The following DYNC1I1 variants were observed in gnomAD, a reference collection of about 807,000 sequenced individuals.
DYNC1I1 encodes the protein dynein cytoplasmic 1 intermediate chain 1, also known as cytoplasmic dynein 1 intermediate chain 1.
DYNC1I1 carries 43 observed loss-of-function variants against 86.6 expected under a neutral mutation model. The observed-to-expected ratio is 0.50, with a 90% CI of 0.39 to 0.64. The LOEUF is 0.64. Ranked by LOEUF, DYNC1I1 falls within the 30% of genes least tolerant of loss-of-function variation. The pLI, the probability that DYNC1I1 is intolerant of heterozygous loss-of-function variation, is 0.00. For synonymous variants in DYNC1I1, 262 were observed against 283.7 expected (o/e 0.92, Z 0.77); for missense variants, 604 against 788.8 (o/e 0.77, Z 2.81).
At chr7:95,802,162 T>G (rs1247960143) in intron 1 of DYNC1I1, among the ~76,000 whole-genome samples, 1 of 152,144 alleles carries the variant, frequency 6.6e-6, no homozygotes, top group Non-Finnish European at 1.5e-5. Context: ...GAAGTCCCAC[T>G]GATACCCAAA....
intron 4 of DYNC1I1, 111 bp downstream of exon 4, chr7:95,813,448 A>C (rs1794878359): frequency 2.3e-6 from 3 of 1,319,350 alleles, no homozygotes; most frequent in Admixed American, 5.5e-5. Context: ...CTGCATGTGT[A>C]CTTGGACATC....
intron 5 of DYNC1I1, among the ~76,000 whole-genome samples, chr7:95,861,158 A>G (rs1789867124): frequency 1.3e-5 from 2 of 152,100 alleles, no homozygotes; most frequent in African/African-American, 4.8e-5. Context: ...CTGCCACCTT[A>G]TCTACCTCTA....
At chr7:96,050,038 CA>C (rs78767576) in intron 14 of DYNC1I1, among the ~76,000 whole-genome samples, 10,376 of 138,912 alleles carry the variant, frequency 0.075, 433 homozygotes, top group Non-Finnish European at 0.097. Flanking sequence ...AACAAACAAA[CA>C]AAAAAAAAAA....
intron 10 of DYNC1I1, among the ~76,000 whole-genome samples, chr7:96,007,081 C>T (rs1274132769): frequency 6.6e-6 from 1 of 152,114 alleles, no homozygotes; most frequent in Admixed American, 6.5e-5. Context: ...TATTTTTTCA[C>T]ATTATTCTTT....
rs957815216 is a variant in DYNC1I1, at chr7:96,061,374, G to A, written c.1510-14683G>A. 3.3e-5 allele frequency among the ~76,000 whole-genome samples: 5 copies of A among 152,216 alleles called. 1 individual carries two copies. Among genetic ancestry groups the A allele is most frequent in the Non-Finnish European group, 2.9e-5 (2 of 68,016 alleles). On this transcript the variant is annotated intron_variant, in intron 14 of 16. Transcript: ENST00000447467. ...TTTGTACTGAGCCTGTCACTAGCTCGGGAAGAGGTAAAAATTACTTGACAG... is the reference window on the plus strand; with the variant it reads ...TTTGTACTGAGCCTGTCACTAGCTCAGGAAGAGGTAAAAATTACTTGACAG...
At chr7:95,955,573 G>A (rs1375890268) in intron 6 of DYNC1I1, among the ~76,000 whole-genome samples, 1 of 152,088 alleles carries the variant, frequency 6.6e-6, no homozygotes, top group Non-Finnish European at 1.5e-5. Context: ...CAATCCTCCT[G>A]ACCCAGCCTC....
chr7:96,002,601 C>A (rs1439138859), intron 10 of DYNC1I1, among the ~76,000 whole-genome samples: 1 of 152,046 alleles, frequency 6.6e-6, no homozygotes, highest in Non-Finnish European at 1.5e-5. Context: ...ATTGAATATA[C>A]AAGAATGAAA....
chr7:95,869,278 G>A (rs984017526), intron 5 of DYNC1I1, among the ~76,000 whole-genome samples: 1 of 152,146 alleles, frequency 6.6e-6, no homozygotes, highest in African/African-American at 2.4e-5. Flanking sequence ...GGAATGCTGT[G>A]CTAAGGCTTT....
chr7:95,953,418 G>GAAAC (rs752704517), intron 6 of DYNC1I1, among the ~76,000 whole-genome samples: 8 of 147,142 alleles, frequency 5.4e-5, no homozygotes, highest in Non-Finnish European at 1.0e-4. Flanking sequence ...AAGAAAGAAA[G>GAAAC]AGAGAGAGAG....
intron 7 of DYNC1I1, among the ~76,000 whole-genome samples, chr7:95,977,908 T>C (rs1793349354): frequency 6.6e-6 from 1 of 152,208 alleles, no homozygotes; most frequent in African/African-American, 2.4e-5. Context: ...GAACCATATA[T>C]TCCCAATGAT....
chr7:95,880,801 G>A lies in DYNC1I1; in HGVS notation c.490+10803G>A, dbSNP rs566470601. On this transcript the variant is annotated intron_variant, in intron 6 of 16. Transcript: ENST00000447467. ...GCTGGGATTACAGGTGCACACCACC[G>A]TGCCCAGCTAATTTTTGTATTTTTA... Among the ~76,000 whole-genome samples the A allele has an allele frequency of 2.4e-4, 37 of 151,532 alleles. No homozygotes were observed. In the South Asian group the frequency reaches 2.9e-3, roughly 12 times the overall value.
chr7:95,949,432 C>G (rs2116474344), intron 6 of DYNC1I1, among the ~76,000 whole-genome samples: 1 of 152,334 alleles, frequency 6.6e-6, no homozygotes, highest in African/African-American at 2.4e-5. Context: ...GAAACCCCAT[C>G]TTTGGGGAAA....
intron 5 of DYNC1I1, among the ~76,000 whole-genome samples, chr7:95,831,785 T>G (rs1201196847): frequency 6.6e-6 from 1 of 152,146 alleles, no homozygotes; most frequent in Non-Finnish European, 1.5e-5. Context: ...GGTCATCTTA[T>G]GTCTTCTTTG....
At chr7:95,955,196 C>T (rs897466421) in intron 6 of DYNC1I1, among the ~76,000 whole-genome samples, 4 of 152,130 alleles carry the variant, frequency 2.6e-5, no homozygotes, top group Non-Finnish European at 1.5e-5. Context: ...TTGGTTTGGT[C>T]ATTCCACAAT....
At chr7:95,837,385 G>A (rs1789130397) in intron 5 of DYNC1I1, among the ~76,000 whole-genome samples, 1 of 152,104 alleles carries the variant, frequency 6.6e-6, no homozygotes, top group Non-Finnish European at 1.5e-5. Flanking sequence ...GTCAGACAGG[G>A]ACATTTAAGT....
chr7:95,875,021 C>A (rs972736966), intron 6 of DYNC1I1, among the ~76,000 whole-genome samples: 2 of 152,214 alleles, frequency 1.3e-5, no homozygotes, highest in African/African-American at 4.8e-5. Flanking sequence ...TTGGAAACCT[C>A]TAACTCTCTC....
At chr7:95,942,003 G>A (rs1792238456) in intron 6 of DYNC1I1, among the ~76,000 whole-genome samples, 1 of 152,050 alleles carries the variant, frequency 6.6e-6, no homozygotes, top group Non-Finnish European at 1.5e-5. Flanking sequence ...CTAGCAGAAG[G>A]CAAGAAATAA....
At chr7:95,827,157 G>A (rs950830018) in intron 4 of DYNC1I1, among the ~76,000 whole-genome samples, 1 of 152,172 alleles carries the variant, frequency 6.6e-6, no homozygotes, top group Non-Finnish European at 1.5e-5. Flanking sequence ...TAAACAGCAC[G>A]CTCAATGTCA....
chr7:96,087,624 A>AATTC (rs1350908491), intron 16 of DYNC1I1, among the ~76,000 whole-genome samples: 2 of 152,218 alleles, frequency 1.3e-5, no homozygotes, highest in African/African-American at 2.4e-5. Context: ...CTTAGGCGTA[A>AATTC]ATTCTTCCAG....
Sources: allele counts gnomAD v4.1 joint callset (sites outside exome capture counted in the v4.1 genomes callset), GRCh38; gene constraint gnomAD v4.1.1; transcripts MANE v1.5; gene names NCBI Gene and HGNC (gene_info 2026-07-23, HGNC 2026-07-21).